The following ZNF385B variants were observed in gnomAD, a reference collection of about 807,000 sequenced individuals.
ZNF385B encodes the protein zinc finger protein 385B.
Under a neutral mutation model 39.2 loss-of-function variants are expected in ZNF385B, and 23 were observed. The observed-to-expected ratio is 0.59, with a 90% CI of 0.42 to 0.83. ZNF385B has a LOEUF of 0.83. Among genes scored for constraint, ZNF385B ranks in the 40% least tolerant of loss-of-function variants. The probability of loss-of-function intolerance (pLI) is 0.00; values close to 1 mark genes in which losing one functional copy is unlikely to be tolerated. For missense variants in ZNF385B, 552 were observed against 598.9 expected, an observed-to-expected ratio of 0.92 and a Z score of 0.82; for synonymous variants, 205 against 222.6, an observed-to-expected ratio of 0.92 and a Z score of 0.70.
At chr2:179,729,414 TAAACAGA>T (rs1701238904) in intron 3 of ZNF385B, among the ~76,000 whole-genome samples, 1 of 152,158 alleles carries the variant, frequency 6.6e-6, no homozygotes, top group Non-Finnish European at 1.5e-5. Context: ...ACAGAATTTG[TAAACAGA>T]TGTAAACCTC....
intron 3 of ZNF385B, among the ~76,000 whole-genome samples, chr2:179,592,802 A>G (rs1687678562): frequency 6.6e-6 from 1 of 151,952 alleles, no homozygotes; most frequent in South Asian, 2.1e-4. Context: ...GTTTTTGGCA[A>G]CTCTAATCCT....
chr2:179,657,763 G>A (rs563926645), intron 3 of ZNF385B, among the ~76,000 whole-genome samples: 55 of 152,242 alleles, frequency 3.6e-4, no homozygotes, highest in African/African-American at 1.3e-3. Context: ...ACCATTTATT[G>A]GTTAAAGTAT....
chr2:179,639,220 C>G (rs1325556569), intron 3 of ZNF385B, among the ~76,000 whole-genome samples: 1 of 36,356 alleles, frequency 2.8e-5, no homozygotes, highest in African/African-American at 1.4e-4. Context: ...GAGTGAGATC[C>G]TGCCTCAAAA....
At chr2:179,833,451 T>C (rs1436471017) in intron 1 of ZNF385B, among the ~76,000 whole-genome samples, 1 of 152,088 alleles carries the variant, frequency 6.6e-6, no homozygotes, top group Admixed American at 6.5e-5. Context: ...ATTTAAAAGA[T>C]TTACAATTAA....
intron 3 of ZNF385B, among the ~76,000 whole-genome samples, chr2:179,556,249 C>G (rs3106717): frequency 1 from 148,826 of 149,234 alleles, 74,256 homozygotes; most frequent in Non-Finnish European, 1. Flanking sequence ...ACTATAGTTT[C>G]GTCAAACATG....
At chr2:179,838,291 T>C (rs1708359396) in intron 1 of ZNF385B, among the ~76,000 whole-genome samples, 1 of 152,228 alleles carries the variant, frequency 6.6e-6, no homozygotes, top group Non-Finnish European at 1.5e-5. Flanking sequence ...AAAGATTACT[T>C]GGATCTTCCC....
At chr2:179,533,014 A>G (rs531960671) in intron 4 of ZNF385B, among the ~76,000 whole-genome samples, 9 of 152,290 alleles carry the variant, frequency 5.9e-5, no homozygotes, top group Admixed American at 1.3e-4. Flanking sequence ...AATTGCTGAT[A>G]ATTTCCTGTG....
chr2:179,657,467 C>T (rs1199324996), intron 3 of ZNF385B, among the ~76,000 whole-genome samples: 2 of 152,186 alleles, frequency 1.3e-5, no homozygotes, highest in Non-Finnish European at 2.9e-5. Context: ...ACAAACACTT[C>T]TTTCACATGC....
At chr2:179,774,107 T>C (rs1704170182) in intron 1 of ZNF385B, among the ~76,000 whole-genome samples, 1 of 151,352 alleles carries the variant, frequency 6.6e-6, no homozygotes, top group Admixed American at 6.6e-5. Context: ...GTGGAGTGTG[T>C]GTGATATGTG....
At chr2:179,767,332 T>C (rs1703760220) in intron 3 of ZNF385B, among the ~76,000 whole-genome samples, 1 of 152,158 alleles carries the variant, frequency 6.6e-6, no homozygotes, top group African/African-American at 2.4e-5. Flanking sequence ...AACCTCCGCC[T>C]TTCTATCCTT....
intron 1 of ZNF385B, among the ~76,000 whole-genome samples, chr2:179,792,176 C>G (rs186521431): frequency 6.6e-6 from 1 of 152,186 alleles, no homozygotes; most frequent in East Asian, 1.9e-4. Context: ...TTCATCCCAG[C>G]CCTAGGATAA....
intron 1 of ZNF385B, among the ~76,000 whole-genome samples, chr2:179,845,147 T>C (rs537292961): frequency 2.0e-5 from 3 of 152,180 alleles, no homozygotes; most frequent in Non-Finnish European, 4.4e-5. Context: ...AAGAATAAAC[T>C]GAAGTCCATC....
intron 3 of ZNF385B, among the ~76,000 whole-genome samples, chr2:179,695,593 T>C (rs1698678078): frequency 6.6e-6 from 1 of 152,166 alleles, no homozygotes; most frequent in South Asian, 2.1e-4. Flanking sequence ...AAGCACATTT[T>C]AAAAATGTTT....
intron 3 of ZNF385B, among the ~76,000 whole-genome samples, chr2:179,704,777 A>G (rs1699463667): frequency 6.6e-6 from 1 of 152,210 alleles, no homozygotes; most frequent in Non-Finnish European, 1.5e-5. Flanking sequence ...GTAGGAATTA[A>G]CTAATATCAT....
At chr2:179,829,026 T>TAA (rs35970804) in intron 1 of ZNF385B, among the ~76,000 whole-genome samples, 1 of 143,862 alleles carries the variant, frequency 7.0e-6, no homozygotes, top group African/African-American at 2.5e-5. Flanking sequence ...TGGGATGGAT[T>TAA]AAAAAAAAAA....
intron 3 of ZNF385B, among the ~76,000 whole-genome samples, chr2:179,622,703 T>C (rs11904349): frequency 0.39 from 58,994 of 152,076 alleles, 11,888 homozygotes; most frequent in Non-Finnish European, 0.44. Context: ...TTTCCATGTC[T>C]CCACTTGTAC....
intron 3 of ZNF385B, among the ~76,000 whole-genome samples, chr2:179,680,102 G>T (rs1697385769): frequency 6.6e-6 from 1 of 152,092 alleles, no homozygotes. Flanking sequence ...ATGCAAGATT[G>T]GTTAAACATT....
At chr2:179,784,753 C>T (rs909934714) in intron 1 of ZNF385B, among the ~76,000 whole-genome samples, 1 of 152,074 alleles carries the variant, frequency 6.6e-6, no homozygotes, top group Non-Finnish European at 1.5e-5. Flanking sequence ...ATATGATTAT[C>T]TTCACCAGAA....
intron 3 of ZNF385B, among the ~76,000 whole-genome samples, chr2:179,615,263 A>C (rs546530973): frequency 1.4e-4 from 22 of 152,350 alleles, no homozygotes; most frequent in African/African-American, 4.1e-4. Context: ...TTGAATCTTA[A>C]GGGATTTCCA....
Sources: gnomAD v4.1 joint callset for allele counts (sites outside exome capture counted in the v4.1 genomes callset) on GRCh38, gnomAD v4.1.1 for gene constraint, MANE v1.5 for transcripts, NCBI Gene and HGNC (gene_info 2026-07-23, HGNC 2026-07-21) for gene names.